Variants in RSU1 observed in about 807,000 individuals in gnomAD.
RSU1 encodes rsu-1.
A neutral mutation model predicts 31.1 loss-of-function variants in RSU1; 26 were observed. The ratio of observed to expected loss-of-function variants is 0.84; its 90% CI spans 0.61 to 1.16. RSU1 has a LOEUF of 1.16. RSU1 is among the 50% of genes most tolerant of loss of function. The pLI is 0.00. For missense variants in RSU1, 320 were observed against 339.1 expected (o/e 0.94, Z 0.44); for synonymous variants, 164 against 136.3 (o/e 1.20, Z -1.41).
chr10:16,736,260 A>G (rs1444933961), intron 7 of RSU1, among the ~76,000 whole-genome samples: 1 of 152,206 alleles, frequency 6.6e-6, no homozygotes, highest in East Asian at 1.9e-4. Flanking sequence ...GGAAAGACCA[A>G]CTACAAGGAA....
Position 16,709,043 on chromosome 10 carries a change from C to T in RSU1, c.599-13888G>A, listed in dbSNP as rs375010865. Among the ~76,000 whole-genome samples the T allele has an allele frequency of 5.3e-5, 8 of 151,344 alleles. No individual in the cohort carries two copies. In the South Asian group the frequency reaches 1.3e-3, roughly 24 times the overall value. ...CTTTAAGTTTTAGGGTACATGTGCA[C>T]AATGTGCAGGTTACATATGTATACA... On this transcript the variant is annotated intron_variant, in intron 7 of 8. Coordinates refer to ENST00000345264, the MANE Select transcript of RSU1 (RefSeq NM_012425.4).
chr10:16,597,106 G>A (rs1452011889), intron 8 of RSU1, among the ~76,000 whole-genome samples: 1 of 152,210 alleles, frequency 6.6e-6, no homozygotes. Context: ...TAAGGAAAGA[G>A]TCTTGGCAAT....
chr10:16,783,654 G>A (rs756873980), intron 2 of RSU1, among the ~76,000 whole-genome samples: 77 of 120,950 alleles, frequency 6.4e-4, no homozygotes, highest in South Asian at 2.0e-3. Context: ...GAGTCCGGCC[G>A]CATGTTTTTT....
chr10:16,723,390 T>G (rs956385151), intron 7 of RSU1, among the ~76,000 whole-genome samples: 3 of 152,192 alleles, frequency 2.0e-5, no homozygotes, highest in Non-Finnish European at 4.4e-5. Flanking sequence ...GGCTCTGATC[T>G]GAAGGGGCTG....
intron 4 of RSU1, among the ~76,000 whole-genome samples, chr10:16,762,995 C>CAAAAAAAA: frequency 7.6e-6 from 1 of 131,276 alleles, no homozygotes; most frequent in African/African-American, 2.8e-5. Context: ...GACTCTGTCT[C>CAAAAAAAA]AAAAAAAAAA....
At chr10:16,756,831 G>A (rs1054405466) in intron 4 of RSU1, among the ~76,000 whole-genome samples, 1 of 148,406 alleles carries the variant, frequency 6.7e-6, no homozygotes, top group African/African-American at 2.5e-5. Flanking sequence ...TGTGTGCTGT[G>A]TGTGTGTGGT....
chr10:16,817,242 A>AGGGCAGGGGG, intron 1 of RSU1, 73 bp downstream of exon 1: 1 of 214,082 alleles, frequency 4.7e-6, no homozygotes, highest in Non-Finnish European at 7.1e-6. Context: ...GAGGGGATGG[A>AGGGCAGGGGG]GTGGGAAGGG....
chr10:16,618,758 C>A (rs1052642961), intron 8 of RSU1, among the ~76,000 whole-genome samples: 1 of 152,138 alleles, frequency 6.6e-6, no homozygotes, highest in Non-Finnish European at 1.5e-5. Flanking sequence ...TGCTATCACT[C>A]ATAAGTGGTA....
chr10:16,606,421 G>C (rs1833805761), intron 8 of RSU1, among the ~76,000 whole-genome samples: 1 of 152,034 alleles, frequency 6.6e-6, no homozygotes. Context: ...CAACTCACCA[G>C]GCCCAGCTAA....
chr10:16,695,161 G>GGA lies in RSU1; in HGVS notation c.599-7_599-6insTC. 1 of 1,483,248 alleles carries GGA rather than the reference G, an allele frequency of 6.7e-7. No homozygotes were observed. The highest frequency in any genetic ancestry group is 1.6e-5 in the African/African-American group (1 of 61,928). 91.9% of individuals were successfully genotyped at this position (1,483,248 alleles called of 1,614,324 possible). ...GCCAGTTAAATCCAAGTTTCCTGGG[G>GGA]GGGGGGAAAAAAAAAGTGAAGGTCA... is the stretch of plus-strand genomic sequence containing the variant. On this transcript the variant is annotated splice_polypyrimidine_tract_variant and splice_region_variant and intron_variant, in intron 7 of 8. Transcript: ENST00000345264.
intron 7 of RSU1, among the ~76,000 whole-genome samples, chr10:16,698,619 A>G (rs1835727389): frequency 6.6e-6 from 1 of 152,156 alleles, no homozygotes; most frequent in Admixed American, 6.5e-5. Context: ...AGATCTGTCA[A>G]TCCCAAGTGA....
intron 8 of RSU1, among the ~76,000 whole-genome samples, chr10:16,597,757 A>G (rs1243744564): frequency 1.3e-5 from 2 of 152,218 alleles, no homozygotes; most frequent in African/African-American, 2.4e-5. Flanking sequence ...TAAATCCCCA[A>G]ACACCTCTGG....
At position 16,815,420 on chromosome 10, in the gene RSU1, G is replaced by A. The variant is rs1420802143; in HGVS notation, c.109+1553C>T. 7.2e-5 allele frequency among the ~76,000 whole-genome samples: 11 copies of A among 152,172 alleles called. No individual in the cohort carries two copies. The East Asian group carries it at 1.9e-3, about 27-fold the overall frequency. On this transcript the variant is annotated intron_variant, in intron 2 of 8. Coordinates refer to ENST00000345264, the MANE Select transcript of RSU1 (RefSeq NM_012425.4). ...GTGAATTCACAGTAAACCTGACTCT[G>A]CAGTTCTCTCCATGCCTAAATGGCT...
chr10:16,786,924 T>C (rs1343108325), intron 2 of RSU1, among the ~76,000 whole-genome samples: 1 of 152,120 alleles, frequency 6.6e-6, no homozygotes, highest in Non-Finnish European at 1.5e-5. Context: ...GTGGGCCAGC[T>C]TAAAGTTAAA....
intron 2 of RSU1, among the ~76,000 whole-genome samples, chr10:16,814,921 T>C (rs535682448): frequency 7.4e-4 from 112 of 152,336 alleles, no homozygotes; most frequent in African/African-American, 2.5e-3. Context: ...CATTTATAAA[T>C]ATTACATAAA....
intron 7 of RSU1, among the ~76,000 whole-genome samples, chr10:16,699,266 C>T (rs1423131965): frequency 6.6e-6 from 1 of 152,140 alleles, no homozygotes; most frequent in Non-Finnish European, 1.5e-5. Flanking sequence ...AACACAATAC[C>T]TGTTTCTGTA....
rs1836994968 is a variant in RSU1, at chr10:16,752,314, G to A, written c.598+225C>T. 5.3e-5 allele frequency among the ~76,000 whole-genome samples: 8 copies of A among 152,136 alleles called. No individual in the cohort carries two copies. In the South Asian group the frequency reaches 1.7e-3, roughly 31 times the overall value. ...TGAGCGGGGTCATCTTTCATCAGCAGTTTCTAAGACAGGGGACACTACAGC... is the reference window on the plus strand; with the variant it reads ...TGAGCGGGGTCATCTTTCATCAGCAATTTCTAAGACAGGGGACACTACAGC... On this transcript the variant is annotated intron_variant, in intron 7 of 8. Transcript: ENST00000345264.
intron 8 of RSU1, among the ~76,000 whole-genome samples, chr10:16,645,868 ATACATATATGTG>A (rs1834530669): frequency 7.9e-6 from 1 of 125,992 alleles, no homozygotes; most frequent in African/African-American, 3.6e-5. Flanking sequence ...ATACGTATAT[ATACATATATGTG>A]TATATACATA....
chr10:16,645,240 A>G (rs150881411), intron 8 of RSU1, among the ~76,000 whole-genome samples: 1,893 of 152,218 alleles, frequency 0.012, 39 homozygotes, highest in African/African-American at 0.043. Context: ...CATCTTTTAA[A>G]CCATATCTTG....
Sources: gnomAD v4.1 joint callset for allele counts (sites outside exome capture counted in the v4.1 genomes callset) on GRCh38, gnomAD v4.1.1 for gene constraint, MANE v1.5 for transcripts, NCBI Gene and HGNC (gene_info 2026-07-23, HGNC 2026-07-21) for gene names.